TMC1: variants seen among roughly 807,000 people sequenced by gnomAD.
TMC1 encodes transmembrane channel like 1.
Under a neutral mutation model 105.8 loss-of-function variants are expected in TMC1, and 84 were observed. The ratio of observed to expected loss-of-function variants is 0.79; its 90% CI spans 0.67 to 0.95. TMC1 has a LOEUF of 0.95. Ranked by LOEUF, TMC1 falls within the 40% of genes least tolerant of loss-of-function variation. TMC1 has a pLI of 0.00. For missense variants in TMC1, 817 were observed against 914.1 expected (o/e 0.89, Z 1.37); for synonymous variants, 315 against 311.5 (o/e 1.01, Z -0.12).
Position 72,798,066 on chromosome 9 carries a change from A to G in TMC1, c.1566+5714A>G, listed in dbSNP as rs1828403307. Among the ~76,000 whole-genome samples the G allele has an allele frequency of 4.6e-5, 7 of 152,240 alleles. No individual in the cohort carries two copies. In the South Asian group the frequency reaches 1.4e-3, roughly 31 times the overall value. ...TAAAAAGTGGGCAAAGGACATGAAC[A>G]GACACTTCTCAAAAGAAGACATACA... On this transcript the variant is annotated intron_variant, in intron 17 of 23. Coordinates refer to ENST00000297784, the MANE Select transcript of TMC1 (RefSeq NM_138691.3).
chr9:72,677,893 G>A (rs1050295961), intron 5 of TMC1, among the ~76,000 whole-genome samples: 1 of 152,116 alleles, frequency 6.6e-6, no homozygotes, highest in Non-Finnish European at 1.5e-5. Flanking sequence ...TGTTTAGCCT[G>A]ATGAATAAAG....
intron 18 of TMC1, among the ~76,000 whole-genome samples, chr9:72,808,291 A>G (rs1325289096): frequency 1.3e-5 from 2 of 152,146 alleles, no homozygotes; most frequent in African/African-American, 4.8e-5. Flanking sequence ...TGGTCCTTGC[A>G]TTTGTAATTG....
In TMC1 at chr9:72,567,662, T is replaced by C. The variant is rs763230807; in HGVS notation, c.-427-10240T>C. On this transcript the variant is annotated intron_variant, in intron 1 of 23. Coordinates refer to ENST00000297784, the MANE Select transcript of TMC1 (RefSeq NM_138691.3). ...ACAGCACGGGGGAAACCGCCCCCCA[T>C]GATCCGATTGCCTCTACCTGGTTCC... Among the ~76,000 whole-genome samples, 81 of 152,270 alleles carry C rather than the reference T, an allele frequency of 5.3e-4. 1 individual carries two copies. The Middle Eastern group carries it at 0.01, about 19-fold the overall frequency.
intron 8 of TMC1, among the ~76,000 whole-genome samples, chr9:72,730,058 A>G (rs1166189658): frequency 6.6e-6 from 1 of 152,216 alleles, no homozygotes; most frequent in African/African-American, 2.4e-5. Context: ...TACTTCATAG[A>G]TAAAATATAT....
intron 2 of TMC1, among the ~76,000 whole-genome samples, chr9:72,591,095 A>G (rs1366624112): frequency 6.6e-6 from 1 of 152,226 alleles, no homozygotes; most frequent in Non-Finnish European, 1.5e-5. Flanking sequence ...ACAGAAGGTC[A>G]GTGTGATGAA....
At chr9:72,749,682 G>T (rs987158512) in intron 10 of TMC1, among the ~76,000 whole-genome samples, 2 of 151,988 alleles carry the variant, frequency 1.3e-5, no homozygotes, top group Non-Finnish European at 2.9e-5. Flanking sequence ...AAATTCTCTT[G>T]TGAGCATAAA....
intron 4 of TMC1, among the ~76,000 whole-genome samples, chr9:72,641,937 C>T (rs910511313): frequency 1.3e-5 from 2 of 151,486 alleles, no homozygotes; most frequent in Admixed American, 6.6e-5. Context: ...CCTCCCGCAG[C>T]CTCCTGAGTA....
At chr9:72,721,865 A>G (rs1827033269) in intron 8 of TMC1, among the ~76,000 whole-genome samples, 1 of 152,204 alleles carries the variant, frequency 6.6e-6, no homozygotes, top group African/African-American at 2.4e-5. Context: ...CACTATAGTC[A>G]TGGAGTTCTT....
At chr9:72,565,434 A>G (rs541628964) in intron 1 of TMC1, among the ~76,000 whole-genome samples, 2 of 152,316 alleles carry the variant, frequency 1.3e-5, no homozygotes, top group Admixed American at 6.5e-5. Context: ...GAAAGTGAAG[A>G]AGGAGGAAAT....
chr9:72,806,865 A>C (rs1042880688), intron 18 of TMC1, among the ~76,000 whole-genome samples: 2 of 152,192 alleles, frequency 1.3e-5, no homozygotes, highest in Non-Finnish European at 2.9e-5. Context: ...ACGGGGTGGC[A>C]GCCGAGCAGA....
chr9:72,689,295 A>G (rs142559445), intron 6 of TMC1, among the ~76,000 whole-genome samples: 1 of 152,248 alleles, frequency 6.6e-6, no homozygotes, highest in East Asian at 1.9e-4. Context: ...CTTATGATCT[A>G]CACTCAAACA....
At chr9:72,680,844 T>C (rs1826275099) in intron 5 of TMC1, among the ~76,000 whole-genome samples, 1 of 152,100 alleles carries the variant, frequency 6.6e-6, no homozygotes, top group Non-Finnish European at 1.5e-5. Context: ...GTGTACAGAG[T>C]TCAGCCAGCC....
At chr9:72,793,216 G>A (rs1043215522) in intron 17 of TMC1, among the ~76,000 whole-genome samples, 17 of 152,120 alleles carry the variant, frequency 1.1e-4, no homozygotes, top group Non-Finnish European at 1.9e-4. Context: ...CTCTGGCAAA[G>A]CAGGAGGTTA....
chr9:72,626,677 A>G (rs1825353588), intron 3 of TMC1, among the ~76,000 whole-genome samples: 2 of 152,152 alleles, frequency 1.3e-5, no homozygotes, highest in African/African-American at 4.8e-5. Context: ...GAGATGGAGT[A>G]AGACAAGATT....
intron 21 of TMC1, 82 bp from the exon 22 acceptor site, chr9:72,830,368 AT>A (rs1829019553): frequency 1.1e-6 from 1 of 930,408 alleles, no homozygotes; most frequent in Non-Finnish European, 1.7e-6. Context: ...CTGATATTTC[AT>A]AATTTACTTA....
intron 2 of TMC1, among the ~76,000 whole-genome samples, chr9:72,578,561 G>T (rs1472064385): frequency 2.6e-5 from 4 of 152,160 alleles, no homozygotes; most frequent in African/African-American, 9.7e-5. Context: ...CAATGGGGCA[G>T]GCAGAGGGAG....
chr9:72,806,438 G>A (rs182212001), intron 18 of TMC1, among the ~76,000 whole-genome samples: 4,262 of 141,400 alleles, frequency 0.03, 156 homozygotes, highest in African/African-American at 0.045. Context: ...GTGGCTGCCG[G>A]GCGGAGACGC....
At chr9:72,766,965 C>T (rs748827637) in intron 12 of TMC1, among the ~76,000 whole-genome samples, 22 of 152,162 alleles carry the variant, frequency 1.4e-4, no homozygotes, top group Non-Finnish European at 1.9e-4. Flanking sequence ...TCACAAGGCC[C>T]GGGCTGGCTG....
intron 1 of TMC1, among the ~76,000 whole-genome samples, chr9:72,535,468 A>G (rs757024809): frequency 1.9e-4 from 29 of 152,106 alleles, no homozygotes; most frequent in Admixed American, 6.6e-5. Context: ...CCTATAAACC[A>G]TATCAGGGGA....
Sources: gnomAD v4.1 joint callset for allele counts (sites outside exome capture counted in the v4.1 genomes callset) on GRCh38, gnomAD v4.1.1 for gene constraint, MANE v1.5 for transcripts, NCBI Gene and HGNC (gene_info 2026-07-23, HGNC 2026-07-21) for gene names.